The following TLN2 variants were observed in gnomAD, a reference collection of about 807,000 sequenced individuals.
TLN2 encodes talin 2.
In TLN2, 118 loss-of-function variants were observed where a neutral mutation model predicts 294.7. The observed-to-expected ratio is 0.40, with a 90% CI of 0.34 to 0.47. The LOEUF is 0.47. TLN2 is among the 20% of genes least tolerant of loss of function. The probability of loss-of-function intolerance (pLI) is 0.84; values close to 1 mark genes in which losing one functional copy is unlikely to be tolerated. For missense variants in TLN2, 3,083 were observed against 3,282.2 expected (o/e 0.94, Z 1.48); for synonymous variants, 1,431 against 1,304.5 (o/e 1.10, Z -2.09).
intron 1 of TLN2, among the ~76,000 whole-genome samples, chr15:62,452,809 G>A (rs1022494512): frequency 7.9e-5 from 12 of 152,222 alleles, no homozygotes; most frequent in Non-Finnish European, 1.5e-4. Context: ...CCTTCTGCCT[G>A]TCCTTGTTGC....
chr15:62,458,626 G>C (rs994750487), intron 1 of TLN2, among the ~76,000 whole-genome samples: 1 of 106,212 alleles, frequency 9.4e-6, no homozygotes, highest in Non-Finnish European at 2.0e-5. Context: ...AAATTTAGCT[G>C]GGTGTCATGG....
chr15:62,814,453 G>C (rs2066929870), intron 52 of TLN2, among the ~76,000 whole-genome samples: 1 of 150,402 alleles, frequency 6.6e-6, no homozygotes, highest in African/African-American at 2.5e-5. Flanking sequence ...GTTGTTTATA[G>C]AATGTTAAAG....
At chr15:62,677,492 A>G (rs1027015732) in intron 11 of TLN2, among the ~76,000 whole-genome samples, 3 of 152,198 alleles carry the variant, frequency 2.0e-5, no homozygotes, top group Non-Finnish European at 4.4e-5. Flanking sequence ...CAAATTGTAG[A>G]AAAAATAAAT....
chr15:62,757,359 G>C (rs563892366), intron 37 of TLN2, among the ~76,000 whole-genome samples: 1 of 152,218 alleles, frequency 6.6e-6, no homozygotes, highest in Non-Finnish European at 1.5e-5. Context: ...GGGAGGTAAG[G>C]GTGGAAAGAG....
intron 14 of TLN2, among the ~76,000 whole-genome samples, chr15:62,697,241 A>G (rs971977721): frequency 6.6e-6 from 1 of 151,888 alleles, no homozygotes; most frequent in Non-Finnish European, 1.5e-5. Flanking sequence ...TTGAATAGCT[A>G]GGACTATAGG....
At chr15:62,687,255 T>C (rs148266191) in intron 12 of TLN2, among the ~76,000 whole-genome samples, 2 of 152,338 alleles carry the variant, frequency 1.3e-5, no homozygotes, top group African/African-American at 4.8e-5. Flanking sequence ...GGAAATAACG[T>C]GGACTTTAGG....
intron 9 of TLN2, among the ~76,000 whole-genome samples, chr15:62,659,506 A>G (rs1356551095): frequency 2.0e-5 from 3 of 152,216 alleles, no homozygotes; most frequent in Admixed American, 1.3e-4. Context: ...ACAAACTAAC[A>G]TCAAAGCATT....
At chr15:62,738,636 G>A (rs762153274) in intron 30 of TLN2, among the ~76,000 whole-genome samples, 3 of 152,202 alleles carry the variant, frequency 2.0e-5, no homozygotes, top group Non-Finnish European at 4.4e-5. Flanking sequence ...GATAGTGACA[G>A]TCAGGTGTTG....
At chr15:62,795,806 TGCC>T (rs2065433832) in intron 46 of TLN2, among the ~76,000 whole-genome samples, 1 of 152,266 alleles carries the variant, frequency 6.6e-6, no homozygotes, top group Non-Finnish European at 1.5e-5. Flanking sequence ...ACTTACTATG[TGCC>T]AAATGCCTTG....
chr15:62,775,936 G>C (rs547495451), intron 42 of TLN2, among the ~76,000 whole-genome samples: 3 of 152,326 alleles, frequency 2.0e-5, no homozygotes, highest in African/African-American at 7.2e-5. Context: ...ACTGCATAGT[G>C]TTGTTATAGT....
At chr15:62,626,214 G>C (rs2049271888) in intron 3 of TLN2, among the ~76,000 whole-genome samples, 1 of 152,134 alleles carries the variant, frequency 6.6e-6, no homozygotes, top group South Asian at 2.1e-4. Context: ...TGATTTTATA[G>C]GTCACCAATT....
chr15:62,833,713 C>T, intron 55 of TLN2, 84 bp downstream of exon 55: 1 of 1,539,186 alleles, frequency 6.5e-7, no homozygotes, highest in Non-Finnish European at 8.7e-7. Flanking sequence ...AAGCTTTTGT[C>T]CTGACCAAGG....
chr15:62,713,179 G>A (rs1390313261), intron 22 of TLN2, among the ~76,000 whole-genome samples: 2 of 137,044 alleles, frequency 1.5e-5, no homozygotes, highest in African/African-American at 5.4e-5. Flanking sequence ...TGAGGCAGGA[G>A]AAAATTGTTT....
At chr15:62,532,988 T>TCA (rs2041131278) in intron 1 of TLN2, among the ~76,000 whole-genome samples, 1 of 152,114 alleles carries the variant, frequency 6.6e-6, no homozygotes, top group African/African-American at 2.4e-5. Context: ...GCGCGATGGC[T>TCA]CACACCTGTT....
intron 52 of TLN2, among the ~76,000 whole-genome samples, chr15:62,810,988 G>T (rs2066642618): frequency 1.3e-5 from 2 of 152,186 alleles, no homozygotes; most frequent in South Asian, 4.1e-4. Flanking sequence ...CAGCCATGAG[G>T]CTTATGGCCA....
intron 1 of TLN2, among the ~76,000 whole-genome samples, chr15:62,499,342 C>A (rs768374215): frequency 2.0e-5 from 3 of 151,850 alleles, no homozygotes; most frequent in Non-Finnish European, 2.9e-5. Context: ...CCCAGCTACT[C>A]GGGAGACTGA....
intron 51 of TLN2, among the ~76,000 whole-genome samples, chr15:62,808,982 C>G (rs949101683): frequency 1.3e-5 from 2 of 152,180 alleles, no homozygotes; most frequent in African/African-American, 4.8e-5. Flanking sequence ...CTGGTCTTTG[C>G]CCTCAGCTTT....
chr15:62,561,586 C>G (rs140377292), intron 1 of TLN2: 7 of 152,368 alleles, frequency 4.6e-5, no homozygotes, highest in Admixed American at 4.6e-4. Context: ...GCCTGACCTT[C>G]CAGTCACAAT....
chr15:62,753,473 G>T (rs1271564042), intron 35 of TLN2, among the ~76,000 whole-genome samples: 1 of 152,218 alleles, frequency 6.6e-6, no homozygotes, highest in Non-Finnish European at 1.5e-5. Context: ...GGCTGCCAGA[G>T]TAGTCAGGGC....
Sources: allele counts gnomAD v4.1 joint callset (sites outside exome capture counted in the v4.1 genomes callset), GRCh38; gene constraint gnomAD v4.1.1; transcripts MANE v1.5; gene names NCBI Gene and HGNC (gene_info 2026-07-23, HGNC 2026-07-21).